COXFA4: variants seen among roughly 807,000 people sequenced by gnomAD.
COXFA4 encodes the protein cytochrome c oxidase subunit FA4.
At chr7:10,938,361 A>C in the COXFA4 span, 1 of 535,492 alleles carries the variant, frequency 1.9e-6, no homozygotes, top group South Asian at 2.8e-5. Context: ...CTATCACAAG[A>C]TACTTTTTAT....
the COXFA4 span, among the ~76,000 whole-genome samples, chr7:10,936,831 T>A: frequency 1.1e-4 from 17 of 151,102 alleles, no homozygotes; most frequent in African/African-American, 4.1e-4. Context: ...AAGCCAGGGG[T>A]TCAAGACCAG....
chr7:10,940,153 C>G, the COXFA4 span: 1 of 1,259,952 alleles, frequency 7.9e-7, no homozygotes. Flanking sequence ...TACGGACTTC[C>G]AAAGTCACCC....
chr7:10,932,041 T>C, the COXFA4 span: 20 of 152,360 alleles, frequency 1.3e-4, no homozygotes, highest in African/African-American at 3.1e-4. Flanking sequence ...TTGAGGTAAT[T>C]TGTGCCAAAG....
the COXFA4 span, chr7:10,939,629 G>A: frequency 5.0e-6 from 1 of 199,840 alleles, no homozygotes; most frequent in African/African-American, 2.3e-5. Flanking sequence ...GCGAATACAA[G>A]AACCTCCAGA....
the COXFA4 span, among the ~76,000 whole-genome samples, chr7:10,935,332 T>C: frequency 6.6e-6 from 1 of 152,174 alleles, no homozygotes; most frequent in East Asian, 1.9e-4. Flanking sequence ...GAAACAATAG[T>C]TGGGAAGGCA....
At chr7:10,938,341 CA>C in the COXFA4 span, 1 of 562,416 alleles carries the variant, frequency 1.8e-6, no homozygotes, top group Non-Finnish European at 3.1e-6. Flanking sequence ...AAAGGTAGAA[CA>C]CAGAATCCCT....
the COXFA4 span, among the ~76,000 whole-genome samples, chr7:10,934,390 A>C: frequency 6.6e-6 from 1 of 151,596 alleles, no homozygotes; most frequent in Non-Finnish European, 1.5e-5. Flanking sequence ...AAAAAAAAAA[A>C]AAAACTCCCT....
chr7:10,935,512 G>A, the COXFA4 span, among the ~76,000 whole-genome samples: 1 of 152,206 alleles, frequency 6.6e-6, no homozygotes, highest in Non-Finnish European at 1.5e-5. Context: ...CGGACTGAAT[G>A]TTTATGTCCT....
At chr7:10,937,812 A>C in the COXFA4 span, 5 of 407,600 alleles carry the variant, frequency 1.2e-5, no homozygotes, top group African/African-American at 1.0e-4. Context: ...TGTATAATGA[A>C]GTTTGAGAAC....
At chr7:10,939,857 G>T in the COXFA4 span, 6 of 837,894 alleles carry the variant, frequency 7.2e-6, no homozygotes, top group Non-Finnish European at 1.2e-5. Flanking sequence ...GGGTCACAGA[G>T]GCCTGGGACA....
chr7:10,939,902 G>A, the COXFA4 span: 2,210 of 1,180,124 alleles, frequency 1.9e-3, 21 homozygotes, highest in African/African-American at 0.018. Flanking sequence ...GGCAGGGTCT[G>A]GTCTGACGGA....
the COXFA4 span, chr7:10,938,487 G>A: frequency 2.4e-6 from 1 of 418,828 alleles, no homozygotes; most frequent in Non-Finnish European, 4.3e-6. Flanking sequence ...AAATGTGCAA[G>A]TGAAGGCAAA....
the COXFA4 span, chr7:10,937,797 C>G: frequency 2.8e-6 from 1 of 362,724 alleles, no homozygotes; most frequent in Non-Finnish European, 5.1e-6. Flanking sequence ...TTTCAACAAG[C>G]TCTATGTATA....
At chr7:10,939,579 G>T in the COXFA4 span, 2 of 183,896 alleles carry the variant, frequency 1.1e-5, no homozygotes, top group East Asian at 1.4e-4. Flanking sequence ...CAAGATCACG[G>T]ACCCCTCTTA....
chr7:10,935,977 C>G, the COXFA4 span, among the ~76,000 whole-genome samples: 3 of 152,186 alleles, frequency 2.0e-5, no homozygotes, highest in South Asian at 2.1e-4. Flanking sequence ...GGAGGGACCA[C>G]ATAATGGTCC....
chr7:10,940,111 C>G, the COXFA4 span: 1 of 1,575,026 alleles, frequency 6.3e-7, no homozygotes, highest in South Asian at 1.1e-5. Context: ...AGCCACCAGG[C>G]CCTAAGCTAA....
At chr7:10,935,338 A>C in the COXFA4 span, among the ~76,000 whole-genome samples, 1 of 152,212 alleles carries the variant, frequency 6.6e-6, no homozygotes, top group African/African-American at 2.4e-5. Context: ...ATAGTTGGGA[A>C]GGCACAACAT....
At chr7:10,934,389 A>C in the COXFA4 span, among the ~76,000 whole-genome samples, 2 of 151,508 alleles carry the variant, frequency 1.3e-5, no homozygotes, top group Non-Finnish European at 2.9e-5. Flanking sequence ...AAAAAAAAAA[A>C]AAAAACTCCC....
the COXFA4 span, chr7:10,939,958 G>A: frequency 1.9e-6 from 3 of 1,593,646 alleles, no homozygotes; most frequent in Middle Eastern, 3.3e-4. Flanking sequence ...ACAGAAAGAG[G>A]CGCACCCCGA....
Sources: allele counts gnomAD v4.1 joint callset (sites outside exome capture counted in the v4.1 genomes callset), GRCh38; gene constraint gnomAD v4.1.1; transcripts MANE v1.5; gene names NCBI Gene and HGNC (gene_info 2026-07-23, HGNC 2026-07-21).